CAPS2: variants seen among roughly 807,000 people sequenced by gnomAD.
The protein encoded by CAPS2 is calcyphosine 2.
In CAPS2, 98 loss-of-function variants were observed where a neutral mutation model predicts 86.5. The observed-to-expected ratio is 1.13, with a 90% CI of 0.96 to 1.34. The LOEUF (loss-of-function observed/expected upper bound fraction) is 1.34. CAPS2 is among the 40% of genes most tolerant of loss of function. CAPS2 has a pLI of 0.00. For synonymous variants in CAPS2, 210 were observed against 225.1 expected, an observed-to-expected ratio of 0.93 and a Z score of 0.60; for missense variants, 729 against 686.8, an observed-to-expected ratio of 1.06 and a Z score of -0.69.
At chr12:75,334,626 G>C (rs1344475623), upstream of CAPS2, 25 of 1,522,808 alleles carry the variant, frequency 1.6e-5, no homozygotes, top group Non-Finnish European at 2.2e-5. Flanking sequence ...CGGCAGGATG[G>C]AGCCAAGGGA....
At position 75,368,282 on chromosome 12, in the gene CAPS2, T is replaced by C. The variant is rs141179717; in HGVS notation, c.-395+22556A>G. Among the ~76,000 whole-genome samples the C allele has an allele frequency of 6.3e-3, 956 of 151,804 alleles. 6 individuals are homozygous for C. Among genetic ancestry groups the C allele is most frequent in the African/African-American group, 0.021 (874 of 41,494 alleles). ...CAATTTTTTGCATTTATTTTTAGAATTGTGCTTGGCCATATAATTTTCCTC... is the reference window on the plus strand; with the variant it reads ...CAATTTTTTGCATTTATTTTTAGAACTGTGCTTGGCCATATAATTTTCCTC... On this transcript the variant is annotated intron_variant, in intron 1 of 5. Transcript: ENST00000551829.
chr12:75,386,329 T>TA (rs1358607787), intron 1 of CAPS2, among the ~76,000 whole-genome samples: 6 of 152,300 alleles, frequency 3.9e-5, no homozygotes, highest in South Asian at 4.2e-4. Context: ...TAATTTATTT[T>TA]AAAAAAAGAT....
At chr12:75,368,353 T>A (rs1435799619) in intron 1 of CAPS2, among the ~76,000 whole-genome samples, 1 of 151,810 alleles carries the variant, frequency 6.6e-6, no homozygotes, top group Non-Finnish European at 1.5e-5. Flanking sequence ...GAATACATGT[T>A]AACTTTAACA....
chr12:75,293,162 A>G (rs2036295444), intron 12 of CAPS2, 87 bp downstream of exon 12: 1 of 820,564 alleles, frequency 1.2e-6, no homozygotes, highest in African/African-American at 1.7e-5. Context: ...GAAGTTATAA[A>G]TACCTTATAG....
At chr12:75,289,027 T>G (rs2035389692) in intron 14 of CAPS2, among the ~76,000 whole-genome samples, 1 of 152,144 alleles carries the variant, frequency 6.6e-6, no homozygotes, top group South Asian at 2.1e-4. Flanking sequence ...GAAGATCTAG[T>G]AGAAGATTAT....
chr12:75,333,581 A>G (rs1314798095), upstream of CAPS2, among the ~76,000 whole-genome samples: 1 of 152,182 alleles, frequency 6.6e-6, no homozygotes, highest in East Asian at 1.9e-4. Context: ...CTAGAAATAT[A>G]TTATCTATTG....
intron 8 of CAPS2, among the ~76,000 whole-genome samples, chr12:75,300,112 G>A (rs951652146): frequency 3.9e-5 from 6 of 152,062 alleles, no homozygotes; most frequent in Non-Finnish European, 7.4e-5. Flanking sequence ...TATATAATAC[G>A]TGAATGACTT....
upstream of CAPS2, chr12:75,326,556 T>G: frequency 2.1e-6 from 2 of 954,200 alleles, no homozygotes; most frequent in Non-Finnish European, 3.3e-6. Context: ...AAATGTTAAA[T>G]GGTAATTCTT....
chr12:75,293,166 CT>C, intron 12 of CAPS2, 82 bp downstream of exon 12: 1 of 843,430 alleles, frequency 1.2e-6, no homozygotes, highest in South Asian at 1.5e-5. Flanking sequence ...TTATAAATAC[CT>C]TATAGTAGAA....
intron 1 of CAPS2, among the ~76,000 whole-genome samples, chr12:75,355,541 T>C (rs2043099526): frequency 6.6e-6 from 1 of 152,108 alleles, no homozygotes; most frequent in Non-Finnish European, 1.5e-5. Flanking sequence ...CACTCCACAA[T>C]AGTCAAACCA....
chr12:75,287,553 A>G (rs922428020), intron 14 of CAPS2, among the ~76,000 whole-genome samples: 1 of 152,116 alleles, frequency 6.6e-6, no homozygotes, highest in Non-Finnish European at 1.5e-5. Flanking sequence ...AGTCATGTCT[A>G]TCCAATGTAG....
intron 1 of CAPS2, among the ~76,000 whole-genome samples, chr12:75,375,203 A>G (rs533960102): frequency 6.6e-6 from 1 of 152,298 alleles, no homozygotes; most frequent in Admixed American, 6.5e-5. Context: ...CCTATTACGC[A>G]TTCTGGCACT....
intron 2 of CAPS2, among the ~76,000 whole-genome samples, chr12:75,323,975 A>G (rs1354108925): frequency 3.9e-5 from 6 of 152,224 alleles, no homozygotes; most frequent in African/African-American, 1.4e-4. Context: ...AATGCTACAA[A>G]TAGGACTTGG....
At chr12:75,335,446 A>G (rs1007798548) in intron 1 of CAPS2, among the ~76,000 whole-genome samples, 2 of 152,204 alleles carry the variant, frequency 1.3e-5, no homozygotes, top group Non-Finnish European at 2.9e-5. Context: ...AAAATTTTAA[A>G]TACTTGACTA....
intron 11 of CAPS2, among the ~76,000 whole-genome samples, chr12:75,294,266 G>A (rs893401989): frequency 6.6e-6 from 1 of 152,120 alleles, no homozygotes; most frequent in African/African-American, 2.4e-5. Context: ...TTATAAATAG[G>A]GGCTTAATTC....
chr12:75,297,225 A>G (rs1441434677), intron 11 of CAPS2, among the ~76,000 whole-genome samples: 1 of 152,214 alleles, frequency 6.6e-6, no homozygotes, highest in African/African-American at 2.4e-5. Context: ...TATCAGCTCA[A>G]ACTTTAAACT....
Position 75,374,336 on chromosome 12 carries a change from C to T in CAPS2, c.-395+16502G>A, listed in dbSNP as rs562428305. ...GAGTAACACACCCAAATGAGGAATGCGTTGTCTCCAAAATCCAAATAGGCC... is the reference window on the plus strand; with the variant it reads ...GAGTAACACACCCAAATGAGGAATGTGTTGTCTCCAAAATCCAAATAGGCC... On this transcript the variant is annotated intron_variant, in intron 1 of 5. Transcript: ENST00000551829. 1.1e-4 allele frequency among the ~76,000 whole-genome samples: 17 copies of T among 152,312 alleles called. No homozygotes were observed. The East Asian group carries it at 2.7e-3, about 24-fold the overall frequency.
rs1015764485 is a variant in CAPS2, at chr12:75,286,754, G to A, written c.1396-1674C>T. On this transcript the variant is annotated intron_variant, in intron 14 of 16. Transcript: ENST00000393284. Reference sequence around the variant, plus strand: ...TAGTGATTCTTAAGTTCTTCTTCTCGAGCTGTTTGTATATGCTTATCATTG... The same window carrying A: ...TAGTGATTCTTAAGTTCTTCTTCTCAAGCTGTTTGTATATGCTTATCATTG... Among the ~76,000 whole-genome samples, 8 of 151,592 alleles carry A rather than the reference G, an allele frequency of 5.3e-5. No individual in the cohort carries two copies. The South Asian group carries it at 1.5e-3, about 28-fold the overall frequency.
At chr12:75,285,327 A>G (rs566630773) in intron 14 of CAPS2, among the ~76,000 whole-genome samples, 2 of 152,050 alleles carry the variant, frequency 1.3e-5, no homozygotes, top group Non-Finnish European at 2.9e-5. Context: ...TTACTTTTTT[A>G]AGTTTTATTT....
Sources: allele counts gnomAD v4.1 joint callset (sites outside exome capture counted in the v4.1 genomes callset), GRCh38; gene constraint gnomAD v4.1.1; transcripts MANE v1.5; gene names NCBI Gene and HGNC (gene_info 2026-07-23, HGNC 2026-07-21).